Variants in POLD1 observed in about 807,000 individuals in gnomAD.
POLD1 encodes DNA polymerase delta catalytic subunit.
In POLD1, 79 loss-of-function variants were observed where a neutral mutation model predicts 129.7. The observed-to-expected ratio is 0.61, with a 90% CI of 0.51 to 0.73. The LOEUF is 0.73. Ranked by LOEUF, POLD1 falls within the 30% of genes least tolerant of loss-of-function variation. The pLI, the probability that POLD1 is intolerant of heterozygous loss-of-function variation, is 0.00. For missense variants in POLD1, 1,338 were observed against 1,595.8 expected (o/e 0.84, Z 2.75); for synonymous variants, 714 against 683.3 (o/e 1.04, Z -0.70).
chr19:50,396,088 TTTTTG>T (rs1257306761), intron 1 of POLD1, among the ~76,000 whole-genome samples: 3 of 141,162 alleles, frequency 2.1e-5, no homozygotes, highest in South Asian at 2.2e-4. Flanking sequence ...TGGTGGTTTT[TTTTTG>T]TTTTTTTTTT....
At chr19:50,403,818 T>G (rs759738061) in intron 10 of POLD1, among the ~76,000 whole-genome samples, 13 of 152,036 alleles carry the variant, frequency 8.6e-5, no homozygotes, top group Non-Finnish European at 1.5e-4. Flanking sequence ...TACGGTGGAG[T>G]AAGAGAAGGC....
chr19:50,394,162 GT>G (rs2038262039), intron 1 of POLD1: 1 of 152,258 alleles, frequency 6.6e-6, no homozygotes, highest in Non-Finnish European at 1.5e-5. Flanking sequence ...CTACATCCAT[GT>G]TCCAGCCACT....
At position 50,407,096 on chromosome 19, in the gene POLD1, G is replaced by A. The variant is rs568549476; in HGVS notation, c.1608G>A (p.Ala536=). Reference sequence around the variant, plus strand: ...TGCTGGTGAACGCCGTGGAGATGGCGAGGGTCACTGGCGTGCCCCTCAGCT... The same window carrying A: ...TGCTGGTGAACGCCGTGGAGATGGCAAGGGTCACTGGCGTGCCCCTCAGCT... The part of the protein sequence containing the change: ...LMVLVNAVEM[A]RVTGVPLSYL... Residue 536 remains alanine, a synonymous_variant, in exon 13 of 27, where the codon GCG becomes GCA. Coordinates refer to ENST00000440232, the MANE Select transcript of POLD1 (RefSeq NM_002691.4). 52 of 1,613,712 alleles carry A rather than the reference G, an allele frequency of 3.2e-5. No homozygotes were observed. Among genetic ancestry groups the A allele is most frequent in the Middle Eastern group, 3.3e-4 (2 of 6,058 alleles).
chr19:50,390,059 G>C (rs6509471), intron 1 of POLD1, among the ~76,000 whole-genome samples: 7,859 of 150,262 alleles, frequency 0.052, 685 homozygotes, highest in African/African-American at 0.18. Context: ...CAGGCGCCTG[G>C]CACCACGCCC....
chr19:50,387,303 G>A (rs2038004769), intron 1 of POLD1, among the ~76,000 whole-genome samples: 1 of 152,144 alleles, frequency 6.6e-6, no homozygotes, highest in African/African-American at 2.4e-5. Flanking sequence ...TAAAAATAAA[G>A]CTGTGAGATT....
intron 14 of POLD1, among the ~76,000 whole-genome samples, chr19:50,408,164 G>A (rs1030914053): frequency 2.6e-5 from 4 of 151,526 alleles, no homozygotes; most frequent in East Asian, 2.0e-4. Flanking sequence ...GTGAAACCCC[G>A]TCTCTACTAA....
chr19:50,409,004 G>A lies in POLD1; in HGVS notation c.1892+103G>A. 2.2e-6 allele frequency: 3 copies of A among 1,350,184 alleles called. No individual in the cohort carries two copies. The highest frequency in any genetic ancestry group is 3.1e-6 in the Non-Finnish European group (3 of 956,868). The allele number at this position is 1,350,184 out of a possible 1,614,324, so 83.6% of individuals were successfully genotyped here. A position where few individuals can be genotyped will look rare whatever the true frequency, so the allele number is the denominator to read the frequency against. On this transcript the variant is annotated intron_variant, in intron 15 of 26. Coordinates refer to ENST00000440232, the MANE Select transcript of POLD1 (RefSeq NM_002691.4). The surrounding 1 kb of genome is among the most constrained non-coding windows in gnomAD (Gnocchi z 5.8). ...ATAGGCACAGGCCCAGAGATAGTAG[G>A]GAGTGGAGGGGTGCTTGAGGGGCCT...
intron 1 of POLD1, among the ~76,000 whole-genome samples, chr19:50,387,509 C>T (rs1038446207): frequency 6.6e-6 from 1 of 152,100 alleles, no homozygotes; most frequent in African/African-American, 2.4e-5. Flanking sequence ...TGAGAGGGGA[C>T]ACACAGGGGC....
chr19:50,401,391 A>ATATATATTT (rs1334231607), intron 3 of POLD1, among the ~76,000 whole-genome samples: 29 of 65,954 alleles, frequency 4.4e-4, no homozygotes, highest in Non-Finnish European at 5.9e-4. Context: ...ATATATATAT[A>ATATATATTT]TTTTTTTTTT....
At chr19:50,415,238 G>GCTCTTCCT (rs1295303428) in intron 20 of POLD1, among the ~76,000 whole-genome samples, 200 bp from the exon 21 acceptor site, 5 of 152,150 alleles carry the variant, frequency 3.3e-5, no homozygotes, top group Non-Finnish European at 1.5e-5. Flanking sequence ...CGGTGGTGAA[G>GCTCTTCCT]CAGTGGAAAG....
Position 50,416,546 on chromosome 19 carries a change from G to A in POLD1, c.2953+18G>A, listed in dbSNP as rs1304868428. On this transcript the variant is annotated intron_variant, in intron 23 of 26. Coordinates refer to ENST00000440232, the MANE Select transcript of POLD1 (RefSeq NM_002691.4). ...GCTACTGCGTACGGGGGCACCAGGG[G>A]ACTGGGGGCACCCTGGGGGGGCAGA... is the stretch of plus-strand genomic sequence containing the variant. The A allele has an allele frequency of 1.3e-6, 2 of 1,549,110 alleles. No homozygotes were observed. Among genetic ancestry groups the A allele is most frequent in the South Asian group, 2.4e-5 (2 of 84,366 alleles).
chr19:50,385,229 T>C (rs75995319), intron 1 of POLD1, among the ~76,000 whole-genome samples: 105 of 152,200 alleles, frequency 6.9e-4, no homozygotes, highest in Non-Finnish European at 1.1e-3. Context: ...AGGGAGAGCG[T>C]CCTGCAGGCA....
At chr19:50,408,390 TTC>T (rs892142204) in intron 14 of POLD1, among the ~76,000 whole-genome samples, 1 of 151,960 alleles carries the variant, frequency 6.6e-6, no homozygotes, top group African/African-American at 2.4e-5. Flanking sequence ...ATTTTTCTTT[TTC>T]TTTTTCTTTT....
chr19:50,410,435 A>G (rs1452700427), intron 17 of POLD1, among the ~76,000 whole-genome samples: 4 of 152,060 alleles, frequency 2.6e-5, no homozygotes, highest in African/African-American at 9.7e-5. Flanking sequence ...GAAGGCTTGG[A>G]TGAATTCTCA....
At chr19:50,388,467 G>A (rs3219308) in intron 1 of POLD1, among the ~76,000 whole-genome samples, 17 of 151,460 alleles carry the variant, frequency 1.1e-4, no homozygotes, top group Non-Finnish European at 1.8e-4. Flanking sequence ...TAAAAAAGAC[G>A]TCTACATACT....
intron 24 of POLD1, 109 bp from the exon 25 acceptor site, chr19:50,416,936 T>C (rs1479231633): frequency 1.6e-6 from 2 of 1,253,990 alleles, no homozygotes; most frequent in African/African-American, 1.5e-5. Flanking sequence ...TGCTCCGTTG[T>C]TCTCCAGCCT....
chr19:50,395,353 C>G, intron 1 of POLD1, among the ~76,000 whole-genome samples: 1 of 151,662 alleles, frequency 6.6e-6, no homozygotes, highest in Admixed American at 6.6e-5. Flanking sequence ...CCCAGCACTT[C>G]GGGAGGCCGA....
rs775734510 is a variant in POLD1, at chr19:50,407,133, C to T, written c.1645C>T (p.Arg549Cys). ...CGTGCCCCTCAGCTACCTGCTCAGT[C>T]GTGGCCAGCAGGTCAAGGTCGTATC... is the stretch of plus-strand genomic sequence containing the variant. ...TGVPLSYLLSRGQQVKVVSQL... is the reference protein window; with the variant it reads ...TGVPLSYLLSCGQQVKVVSQL... Residue 549 changes from arginine to cysteine, a missense_variant, in exon 13 of 27, where the codon CGT becomes TGT. Arg to Cys is a radical substitution (Grantham distance 180). This residue lies in a region of POLD1 where 720 missense variants were observed against 1,002.6 expected (regional missense o/e 0.72). Transcript: ENST00000440232. 1.2e-6 allele frequency: 2 copies of T among 1,612,806 alleles called. No individual in the cohort carries two copies. Among genetic ancestry groups the T allele is most frequent in the African/African-American group, 2.7e-5 (2 of 74,894 alleles).
chr19:50,392,505 T>C (rs1486597449), intron 1 of POLD1, among the ~76,000 whole-genome samples: 1 of 152,066 alleles, frequency 6.6e-6, no homozygotes, highest in African/African-American at 2.4e-5. Context: ...TGAGACAGAG[T>C]CTTGCTCTGT....
Sources: allele counts gnomAD v4.1 joint callset (sites outside exome capture counted in the v4.1 genomes callset), GRCh38; gene constraint gnomAD v4.1.1; regional missense constraint gnomAD v4.1.1; non-coding constraint Gnocchi (gnomAD v3.1); transcripts MANE v1.5; gene names NCBI Gene and HGNC (gene_info 2026-07-23, HGNC 2026-07-21).